The following RIC3 variants were observed in gnomAD, a reference collection of about 807,000 sequenced individuals.
RIC3 encodes protein RIC-3.
In RIC3, 28 loss-of-function variants were observed where a neutral mutation model predicts 27.3. The observed-to-expected ratio is 1.02, with a 90% confidence interval of 0.76 to 1.41. The LOEUF (loss-of-function observed/expected upper bound fraction) is 1.41, where lower values mean the gene tolerates loss of function less well. Among genes scored for constraint, RIC3 ranks in the 40% most tolerant of loss-of-function variants. RIC3 has a pLI of 0.00. For missense variants in RIC3, 501 were observed against 444.7 expected (o/e 1.13, Z -1.14); for synonymous variants, 184 against 160.4 (o/e 1.15, Z -1.11).
chr11:8,145,212 A>T (rs953620977), intron 1 of RIC3, among the ~76,000 whole-genome samples: 16 of 149,774 alleles, frequency 1.1e-4, no homozygotes, highest in Middle Eastern at 3.4e-3. Context: ...TAAAAAAAAA[A>T]AAGAAAGAAA....
downstream of RIC3, chr11:8,102,461 G>C (rs568360763): frequency 6.6e-6 from 1 of 152,348 alleles, no homozygotes; most frequent in Admixed American, 6.5e-5. Flanking sequence ...GGAGCTCTCT[G>C]CTGAGCAGCC....
At chr11:8,100,635 A>G in the RIC3 span, 1 of 1,594,400 alleles carries the variant, frequency 6.3e-7, no homozygotes, top group Admixed American at 1.7e-5. Context: ...CTCTTTCCCC[A>G]TCATCCTAGT....
At chr11:8,156,762 C>T (rs990640657) in intron 1 of RIC3, among the ~76,000 whole-genome samples, 2 of 152,144 alleles carry the variant, frequency 1.3e-5, no homozygotes, top group Non-Finnish European at 2.9e-5. Context: ...CCCATGCCCC[C>T]GAAGCATTTT....
At chr11:8,148,827 C>G (rs1276544126) in intron 1 of RIC3, among the ~76,000 whole-genome samples, 3 of 151,922 alleles carry the variant, frequency 2.0e-5, no homozygotes, top group Non-Finnish European at 2.9e-5. Context: ...TATCAAGGAC[C>G]TTTTTACTAG....
chr11:8,152,491 T>C (rs1271477388), intron 1 of RIC3, among the ~76,000 whole-genome samples: 1 of 152,168 alleles, frequency 6.6e-6, no homozygotes, highest in African/African-American at 2.4e-5. Context: ...TATGGTTCCA[T>C]TAATAAGAAA....
chr11:8,110,770 C>T lies in RIC3; in HGVS notation c.1038G>A (p.Gly346=), dbSNP rs768006819. The change falls in exon 6 of 6, where the codon GGG becomes GGA. Residue 346 remains glycine, a synonymous_variant. Transcript: ENST00000309737. ...ATGCTTTATCGGTGCTGATGCCCAA[C>T]CCTTCATCTTTAAAGTCTTGGGACC... ...EEWSQDFKDE[G]LGISTDKAYT... is the part of the protein sequence containing the mutation. 6.2e-7 allele frequency: 1 copy of T among 1,614,176 alleles called. No homozygotes were observed. Among genetic ancestry groups the T allele is most frequent in the Non-Finnish European group, 8.5e-7 (1 of 1,180,030 alleles).
chr11:8,134,102 C>T (rs1255276136), intron 4 of RIC3, among the ~76,000 whole-genome samples: 2 of 151,992 alleles, frequency 1.3e-5, no homozygotes, highest in African/African-American at 4.8e-5. Context: ...CCCATCAACT[C>T]GTCATTTACA....
chr11:8,096,857 G>A, the RIC3 span: 45 of 1,594,966 alleles, frequency 2.8e-5, no homozygotes, highest in South Asian at 9.9e-5. Flanking sequence ...CTGCTCATCC[G>A]TTAGAGGTGG....
chr11:8,104,428 ATGTGTG>A, downstream of RIC3: 1 of 152,224 alleles, frequency 6.6e-6, no homozygotes, highest in South Asian at 2.1e-4. Context: ...CCGTCTGTGT[ATGTGTG>A]TGTCTGTGCG....
chr11:8,158,028 A>T (rs1472512773), intron 1 of RIC3, among the ~76,000 whole-genome samples: 1 of 150,080 alleles, frequency 6.7e-6, no homozygotes, highest in Non-Finnish European at 1.5e-5. Flanking sequence ...TTCATTAGGG[A>T]AAATAAATGG....
chr11:8,118,802 C>T (rs1470462883), intron 5 of RIC3, among the ~76,000 whole-genome samples: 2 of 150,846 alleles, frequency 1.3e-5, no homozygotes, highest in Admixed American at 6.6e-5. Flanking sequence ...ACCCAGGCAG[C>T]GAAGGTTGCA....
At chr11:8,160,585 A>AG (rs2134269023) in intron 1 of RIC3, among the ~76,000 whole-genome samples, 1 of 152,360 alleles carries the variant, frequency 6.6e-6, no homozygotes, top group South Asian at 2.1e-4. Context: ...CTAGATGAGC[A>AG]GCTCCTATTA....
chr11:8,149,036 A>AAAG (rs1297116792), intron 1 of RIC3, among the ~76,000 whole-genome samples: 1 of 149,294 alleles, frequency 6.7e-6, no homozygotes, highest in East Asian at 2.0e-4. Context: ...AAAAAAAAAA[A>AAAG]AAAAAAATTA....
At chr11:8,156,837 T>C (rs1207931640) in intron 1 of RIC3, among the ~76,000 whole-genome samples, 3 of 152,158 alleles carry the variant, frequency 2.0e-5, no homozygotes, top group African/African-American at 7.2e-5. Context: ...CTTACCACAC[T>C]TGGCCTTAAT....
At chr11:8,164,316 A>T (rs1951470999) in intron 1 of RIC3, among the ~76,000 whole-genome samples, 1 of 152,224 alleles carries the variant, frequency 6.6e-6, no homozygotes, top group Admixed American at 6.5e-5. Flanking sequence ...CAAAAGAAAA[A>T]AGTAGATAAA....
chr11:8,126,678 A>T lies in RIC3; in HGVS notation c.651T>A (p.Pro217=). Residue 217 remains proline (P), a synonymous_variant, in exon 5 of 6, where the codon CCT becomes CCA. Transcript: ENST00000309737. ...GTTTACCTTCCCAGTCCTCCATGTA[A>T]GGGGCCTCCTCAGCTTCTTTCTCTG... ...FSPEKEAEEA[P]YMEDWEGYPE... 6.2e-7 allele frequency: 1 copy of T among 1,614,134 alleles called. No homozygotes were observed. Among genetic ancestry groups the T allele is most frequent in the Non-Finnish European group, 8.5e-7 (1 of 1,180,008 alleles).
chr11:8,097,630 GGAGA>G, the RIC3 span: 11 of 1,355,364 alleles, frequency 8.1e-6, no homozygotes, highest in South Asian at 9.0e-5. Context: ...CTGACGCAAC[GGAGA>G]GAGTCTGTGT....
intron 1 of RIC3, among the ~76,000 whole-genome samples, chr11:8,157,303 T>G (rs761529568): frequency 6.6e-6 from 1 of 152,240 alleles, no homozygotes; most frequent in Non-Finnish European, 1.5e-5. Context: ...TGGCCCTCCC[T>G]TTAGATAAAC....
At chr11:8,101,629 C>T (rs745398296), downstream of RIC3, 25 of 1,614,036 alleles carry the variant, frequency 1.5e-5, no homozygotes, top group Admixed American at 3.3e-5. Flanking sequence ...GAGGCCTCTT[C>T]GTGCCCTTTG....
Sources: allele counts gnomAD v4.1 joint callset (sites outside exome capture counted in the v4.1 genomes callset), GRCh38; gene constraint gnomAD v4.1.1; transcripts MANE v1.5; gene names NCBI Gene and HGNC (gene_info 2026-07-23, HGNC 2026-07-21).